The following ABR variants were observed in gnomAD, a reference collection of about 807,000 sequenced individuals.
ABR encodes the protein active breakpoint cluster region-related protein.
In ABR, 35 loss-of-function variants were observed where a neutral mutation model predicts 107.2. The observed-to-expected ratio is 0.33, with a 90% confidence interval of 0.25 to 0.43. The LOEUF is 0.43. Among genes scored for constraint, ABR ranks in the 20% least tolerant of loss-of-function variants. The probability of loss-of-function intolerance (pLI) is 1.00; values close to 1 mark genes in which losing one functional copy is unlikely to be tolerated. For synonymous variants in ABR, 498 were observed against 462.0 expected (o/e 1.08, Z -1.00); for missense variants, 815 against 1,115.2 (o/e 0.73, Z 3.83).
chr17:1,219,064 AC>A (rs1445996033), intron 1 of ABR, among the ~76,000 whole-genome samples: 24 of 144,270 alleles, frequency 1.7e-4, no homozygotes, highest in African/African-American at 6.2e-4. Context: ...TTTGTTTGTA[AC>A]AGAGTCTCAC....
At chr17:1,126,628 C>T (rs909394889) in intron 1 of ABR, 2 of 152,306 alleles carry the variant, frequency 1.3e-5, no homozygotes, top group Admixed American at 1.3e-4. Context: ...GGGCGGGACT[C>T]CCTGGCCAGG....
intron 2 of ABR, among the ~76,000 whole-genome samples, chr17:1,119,718 C>T (rs12947401): frequency 0.62 from 94,195 of 151,732 alleles, 31,295 homozygotes; most frequent in East Asian, 0.8. Flanking sequence ...TGACCGTGCA[C>T]ACCTCCCAAA....
chr17:1,082,388 C>A (rs561042290), intron 5 of ABR, among the ~76,000 whole-genome samples: 1 of 150,162 alleles, frequency 6.7e-6, no homozygotes, highest in African/African-American at 2.5e-5. Flanking sequence ...TGGAGGAGTG[C>A]GGGAGGAAGG....
At chr17:1,162,627 C>T (rs975438782) in intron 1 of ABR, among the ~76,000 whole-genome samples, 17 of 152,252 alleles carry the variant, frequency 1.1e-4, no homozygotes, top group Admixed American at 6.5e-5. Flanking sequence ...CTGAGTGTGG[C>T]ATCTGCTTCC....
intron 6 of ABR, chr17:1,079,103 AGAG>A: frequency 7.0e-7 from 1 of 1,436,442 alleles, no homozygotes; most frequent in Non-Finnish European, 9.1e-7. Flanking sequence ...GGCATCCTAA[AGAG>A]GAGCACGTTT....
chr17:1,091,544 G>A lies in ABR; in HGVS notation c.531+121C>T, dbSNP rs538067751. ...AGGCCCAGGCCTTCCTCCCGGACTCGGAGAGGTCTCAGGCCTTCAAGGAGT... is the reference window on the plus strand; with the variant it reads ...AGGCCCAGGCCTTCCTCCCGGACTCAGAGAGGTCTCAGGCCTTCAAGGAGT... On this transcript the variant is annotated intron_variant, in intron 4 of 22. Transcript: ENST00000302538. 4.2e-4 allele frequency: 485 copies of A among 1,159,330 alleles called. 2 individuals carry two copies. The highest frequency in any genetic ancestry group is 1.5e-3 in the Middle Eastern group (5 of 3,376). 71.8% of individuals were successfully genotyped at this position (1,159,330 alleles called of 1,614,324 possible).
intron 1 of ABR, among the ~76,000 whole-genome samples, chr17:1,223,304 A>AACAC (rs56226163): frequency 0.055 from 8,151 of 149,202 alleles, 724 homozygotes; most frequent in African/African-American, 0.19. Context: ...AATCAGTAAC[A>AACAC]ACACACACAC....
chr17:1,087,917 G>A (rs998946195), intron 4 of ABR, among the ~76,000 whole-genome samples: 1 of 152,212 alleles, frequency 6.6e-6, no homozygotes, highest in South Asian at 2.1e-4. Flanking sequence ...GGCTTGGCAG[G>A]TTCATTAACT....
upstream of ABR, among the ~76,000 whole-genome samples, chr17:1,187,538 GCCCC>G (rs1255344846): frequency 6.6e-6 from 1 of 152,178 alleles, no homozygotes; most frequent in Non-Finnish European, 1.5e-5. Context: ...GAGAGCAGAA[GCCCC>G]CAGGAGTGAC....
Position 1,011,727 on chromosome 17 carries a change from C to G in ABR, c.2101+119G>C. 1 of 1,321,422 alleles carries G rather than the reference C, an allele frequency of 7.6e-7. No individual in the cohort carries two copies. The highest frequency in any genetic ancestry group is 1.0e-6 in the Non-Finnish European group (1 of 992,672). 81.9% of individuals were successfully genotyped at this position (1,321,422 alleles called of 1,614,324 possible). ...AGAGAAAGCACTTGCCACGGGGACT[C>G]TGAAGCAGAGCAAGCCTCCTCTCCA... On this transcript the variant is annotated intron_variant, in intron 19 of 22. Transcript: ENST00000302538. The surrounding 1 kb of genome is among the most constrained non-coding windows in gnomAD (Gnocchi z 4.8).
chr17:1,169,687 C>T (rs2041637388), intron 1 of ABR, among the ~76,000 whole-genome samples: 1 of 152,156 alleles, frequency 6.6e-6, no homozygotes, highest in Non-Finnish European at 1.5e-5. Flanking sequence ...CGGGAGAGTT[C>T]AAACACAGCA....
intron 18 of ABR, 143 bp downstream of exon 18, chr17:1,012,545 C>T: frequency 2.8e-6 from 2 of 718,344 alleles, no homozygotes; most frequent in Non-Finnish European, 5.0e-6. Context: ...CACTCTAGAT[C>T]CACACCGGCC....
At position 1,083,711 on chromosome 17, in the gene ABR, C is replaced by T. The variant is rs2304962; in HGVS notation, c.532-84G>A. The T allele has an allele frequency of 3.5e-5, 41 of 1,155,492 alleles. No homozygotes were observed. The East Asian group carries it at 7.7e-4, about 22-fold the overall frequency. 71.6% of individuals were successfully genotyped at this position (1,155,492 alleles called of 1,614,324 possible). ...AATGGATGAAAGCTTCACGGAGCAC[C>T]GGGAGCTCCCCTGCACTGAAAACCT... On this transcript the variant is annotated intron_variant, in intron 4 of 22. Transcript: ENST00000302538.
At chr17:1,081,025 G>A (rs2036201454) in intron 5 of ABR, among the ~76,000 whole-genome samples, 1 of 152,184 alleles carries the variant, frequency 6.6e-6, no homozygotes, top group African/African-American at 2.4e-5. Context: ...GGCAGGCTGT[G>A]AGGGGCTTAT....
Position 1,034,393 on chromosome 17 carries a change from C to T in ABR, c.1791+15657G>A, listed in dbSNP as rs139188082. On this transcript the variant is annotated intron_variant, in intron 16 of 22. Transcript: ENST00000302538. ...CCAAGAAAGCAGAGATGTCCATCAA[C>T]AGGAGGCAGACAAGCATTTGTGCAT... 2.3e-3 allele frequency among the ~76,000 whole-genome samples: 355 copies of T among 152,332 alleles called. 5 individuals are homozygous for T. Among genetic ancestry groups the T allele is most frequent in the African/African-American group, 8.1e-3 (338 of 41,570 alleles).
chr17:1,010,889 C>T lies in ABR; in HGVS notation c.2102-26G>A, dbSNP rs375988593. ...CTGCAGGGGTGGGGCCGAGGTCAGG[C>T]AGCCTTAGCTGGGCCAGCAGCCCCG... On this transcript the variant is annotated intron_variant, in intron 19 of 22. Coordinates refer to ENST00000302538, the MANE Select transcript of ABR (RefSeq NM_021962.5). This position sits in a 1 kb window ranked among gnomAD's most constrained non-coding sequence, Gnocchi z 4.1. The T allele has an allele frequency of 6.8e-6, 11 of 1,611,818 alleles. No homozygotes were observed. Among genetic ancestry groups the T allele is most frequent in the African/African-American group, 2.7e-5 (2 of 74,888 alleles).
intron 22 of ABR, among the ~76,000 whole-genome samples, chr17:1,006,787 G>A (rs976216674): frequency 1.4e-5 from 2 of 142,360 alleles, no homozygotes; most frequent in East Asian, 2.2e-4. Flanking sequence ...GCGCCATGAC[G>A]TCATGGGACC....
intron 1 of ABR, among the ~76,000 whole-genome samples, chr17:1,136,755 C>T (rs2040082009): frequency 6.6e-6 from 1 of 152,192 alleles, no homozygotes; most frequent in Non-Finnish European, 1.5e-5. Context: ...AGTGCGAGGG[C>T]CTTGCTCTGG....
rs751714725 is a variant in ABR at position 1,012,175 on chromosome 17, A to C, written c.1962-190T>G. 18 of 899,342 alleles carry C rather than the reference A, an allele frequency of 2.0e-5. 1 individual carries two copies. The South Asian group carries it at 2.5e-4, about 13-fold the overall frequency. 55.7% of individuals were successfully genotyped at this position (899,342 alleles called of 1,614,324 possible). ...CAGCCAGCCCACCCGAGGCCTGCCG[A>C]AGGGGCATCGACGGACGTGGGCAGG... On this transcript the variant is annotated intron_variant, in intron 18 of 22. Transcript: ENST00000302538.
Sources: gnomAD v4.1 joint callset for allele counts (sites outside exome capture counted in the v4.1 genomes callset) on GRCh38, gnomAD v4.1.1 for gene constraint, Gnocchi (gnomAD v3.1) non-coding constraint, MANE v1.5 for transcripts, NCBI Gene and HGNC (gene_info 2026-07-23, HGNC 2026-07-21) for gene names.